The following SRP72 variants were observed in gnomAD, a reference collection of about 807,000 sequenced individuals.
The protein encoded by SRP72 is signal recognition particle 72.
In SRP72, 49 loss-of-function variants were observed where a neutral mutation model predicts 96.3. The ratio of observed to expected loss-of-function variants is 0.51; its 90% CI spans 0.40 to 0.65. SRP72 has a LOEUF of 0.65. Ranked by LOEUF, SRP72 falls within the 30% of genes least tolerant of loss-of-function variation. The pLI is 0.00. For synonymous variants in SRP72, 267 were observed against 275.2 expected (o/e 0.97, Z 0.30); for missense variants, 736 against 793.3 (o/e 0.93, Z 0.87).
At chr4:56,477,371 C>T (rs1720286936) in intron 6 of SRP72, among the ~76,000 whole-genome samples, 1 of 128,600 alleles carries the variant, frequency 7.8e-6, no homozygotes, top group Non-Finnish European at 1.6e-5. Flanking sequence ...GTGATATGAT[C>T]ATAGGTCACT....
chr4:56,498,075 A>T (rs565315142), intron 17 of SRP72, among the ~76,000 whole-genome samples: 2 of 152,206 alleles, frequency 1.3e-5, no homozygotes, highest in South Asian at 4.1e-4. Flanking sequence ...TTTGTATTTT[A>T]AATTTTTTCT....
At chr4:56,497,045 T>C (rs965640373) in intron 17 of SRP72, among the ~76,000 whole-genome samples, 1 of 152,140 alleles carries the variant, frequency 6.6e-6, no homozygotes, top group Non-Finnish European at 1.5e-5. Context: ...TATGTGTGTT[T>C]ATATGTATAT....
chr4:56,468,949 C>G (rs952754282), intron 1 of SRP72, among the ~76,000 whole-genome samples: 1 of 152,154 alleles, frequency 6.6e-6, no homozygotes, highest in Non-Finnish European at 1.5e-5. Flanking sequence ...TAACTATGAT[C>G]CTGGTCATTT....
Position 56,483,533 on chromosome 4 carries a change from T to C in SRP72, c.957+263T>C, listed in dbSNP as rs6816218. Among the ~76,000 whole-genome samples, 54,931 of 151,838 alleles carry C rather than the reference T, an allele frequency of 0.36. 10,567 individuals carry two copies. Among genetic ancestry groups the C allele is most frequent in the East Asian group, 0.66 (3,400 of 5,146 alleles). On this transcript the variant is annotated intron_variant, in intron 9 of 18. Transcript: ENST00000642900. ...TTCGAGACCAGCCTGAGCAACATGGTGAAACCCTGTCTCTACATGGTGGTG... is the reference window on the plus strand; with the variant it reads ...TTCGAGACCAGCCTGAGCAACATGGCGAAACCCTGTCTCTACATGGTGGTG...
intron 16 of SRP72, among the ~76,000 whole-genome samples, chr4:56,494,604 A>C (rs192545283): frequency 6.6e-6 from 1 of 152,064 alleles, no homozygotes; most frequent in Non-Finnish European, 1.5e-5. Context: ...GGGTTTTACT[A>C]TGTTGTCCAG....
At chr4:56,498,758 AGG>A (rs1322690041) in intron 17 of SRP72, among the ~76,000 whole-genome samples, 1 of 152,234 alleles carries the variant, frequency 6.6e-6, no homozygotes, top group Non-Finnish European at 1.5e-5. Flanking sequence ...CCACTGCTCA[AGG>A]AAATGAGAGA....
In SRP72 at chr4:56,486,378, A is replaced by G. The variant is rs1168439524; in HGVS notation, c.1140A>G (p.Ala380=). Residue 380 remains alanine, a synonymous_variant, in exon 11 of 19, where the codon GCA becomes GCG. Transcript: ENST00000642900. ...CAGCTGAAATTAAGCTGACCATGGC[A>G]CAGTTGAAAATTTCTCAAGGTATTA... ...ENAAEIKLTM[A]QLKISQGNIS... 2 of 1,602,008 alleles carry G rather than the reference A, an allele frequency of 1.2e-6. No individual in the cohort carries two copies. Among genetic ancestry groups the G allele is most frequent in the Admixed American group, 1.7e-5 (1 of 59,442 alleles).
At position 56,503,514 on chromosome 4, in the gene SRP72, C is replaced by T. The variant is rs556567468; in HGVS notation, c.*1653C>T. 15 of 152,294 alleles carry T rather than the reference C, an allele frequency of 9.8e-5. No homozygotes were observed. Among genetic ancestry groups the T allele is most frequent in the African/African-American group, 3.6e-4 (15 of 41,570 alleles). 9.4% of individuals were successfully genotyped at this position (152,294 alleles called of 1,614,324 possible). ...TTAATTGTCAAATGAAGTATAAACA[C>T]ATGAACTTTCTAGAAATATTTCCTC... On this transcript the variant is annotated 3_prime_UTR_variant, in exon 19 of 19. Coordinates refer to ENST00000642900, the MANE Select transcript of SRP72 (RefSeq NM_006947.4).
Position 56,484,616 on chromosome 4 carries a change from G to A in SRP72, c.958-120G>A, listed in dbSNP as rs1021858491. 16 of 1,279,574 alleles carry A rather than the reference G, an allele frequency of 1.3e-5. No homozygotes were observed. In the East Asian group the frequency reaches 2.6e-4, roughly 20 times the overall value. The allele number at this position is 1,279,574 out of a possible 1,614,324, so 79.3% of individuals were successfully genotyped here. A position where few individuals can be genotyped will look rare whatever the true frequency, so the allele number is the denominator to read the frequency against. Reference sequence around the variant, plus strand: ...CTGTAAACTGATTCTCTTACCCTAGGCAGTTCTTTGGTTAATATTTGTTTC... The same window carrying A: ...CTGTAAACTGATTCTCTTACCCTAGACAGTTCTTTGGTTAATATTTGTTTC... On this transcript the variant is annotated intron_variant, in intron 9 of 18. Transcript: ENST00000642900.
chr4:56,497,422 T>C (rs759056255), intron 17 of SRP72, among the ~76,000 whole-genome samples: 7 of 151,940 alleles, frequency 4.6e-5, no homozygotes, highest in Non-Finnish European at 7.4e-5. Context: ...GGTTTCACCA[T>C]GTTAGCTAGG....
At position 56,467,743 on chromosome 4, in the gene SRP72, G is replaced by A. The variant is rs773901373; in HGVS notation, c.108G>A (p.Lys36=). 1.3e-6 allele frequency: 2 copies of A among 1,498,116 alleles called. No homozygotes were observed. Among genetic ancestry groups the A allele is most frequent in the Admixed American group, 2.3e-5 (1 of 43,332 alleles). The allele number at this position is 1,498,116 out of a possible 1,614,324, so 92.8% of individuals were successfully genotyped here. The change falls in exon 1 of 19, where the codon AAG becomes AAA. Residue 36 remains lysine, a splice_region_variant and synonymous_variant. Coordinates refer to ENST00000642900, the MANE Select transcript of SRP72 (RefSeq NM_006947.4). ...CGCGCGCTCTCAAGACCGTCAATAA[G>A]AGTAAGTGTCGGGGTGGGCACTGGG... ...DFTRALKTVN[K]ILQINKDDVT...
intron 17 of SRP72, among the ~76,000 whole-genome samples, chr4:56,499,241 A>G (rs1721179391): frequency 6.6e-6 from 1 of 152,236 alleles, no homozygotes; most frequent in Admixed American, 6.5e-5. Flanking sequence ...AGATGGATTA[A>G]AGACTTAAAC....
Position 56,478,363 on chromosome 4 carries a change from C to CATTTCTTT in SRP72, c.643-15_643-8dup. 1 of 1,549,176 alleles carries CATTTCTTT rather than the reference C, an allele frequency of 6.5e-7. No individual in the cohort carries two copies. Among genetic ancestry groups the CATTTCTTT allele is most frequent in the Admixed American group, 2.2e-5 (1 of 46,510 alleles). The stretch of plus-strand genomic sequence containing the variant: ...GTTTGGAAAATTTATATGGGAAAAA[C>CATTTCTTT]ATTTCTTTCTCTTAGGATGGGACTG... On this transcript the variant is annotated splice_polypyrimidine_tract_variant and intron_variant, in intron 6 of 18. Coordinates refer to ENST00000642900, the MANE Select transcript of SRP72 (RefSeq NM_006947.4).
chr4:56,491,680 C>G, intron 16 of SRP72, 112 bp downstream of exon 16: 1 of 1,111,686 alleles, frequency 9.0e-7, no homozygotes, highest in Non-Finnish European at 1.3e-6. Flanking sequence ...CTCTTTGTTC[C>G]TTTTCCATTT....
At chr4:56,477,418 C>G (rs1345719355) in intron 6 of SRP72, among the ~76,000 whole-genome samples, 1 of 150,766 alleles carries the variant, frequency 6.6e-6, no homozygotes, top group Non-Finnish European at 1.5e-5. Context: ...AATCCTCTCA[C>G]CACAGCCTCC....
In SRP72 at chr4:56,469,721, A is replaced by G. The variant is rs1256878810; in HGVS notation, c.178A>G (p.Ser60Gly). Residue 60 changes from serine (S) to glycine (G), a missense_variant, in exon 2 of 19, where the codon AGT (serine) becomes GGT (glycine). By Grantham distance (56) the Ser-to-Gly change is moderately conservative. Transcript: ENST00000642900. ...CKVVCLIQNGSFKEALNVINT... is the reference protein window; with the variant it reads ...CKVVCLIQNGGFKEALNVINT... ...AGTGGTATGCCTTATCCAGAATGGAAGTTTCAAGGAAGCTTTGAATGTCAT... is the reference window on the plus strand; with the variant it reads ...AGTGGTATGCCTTATCCAGAATGGAGGTTTCAAGGAAGCTTTGAATGTCAT... The G allele has an allele frequency of 1.9e-6, 3 of 1,612,768 alleles. No homozygotes were observed. Among genetic ancestry groups the G allele is most frequent in the Non-Finnish European group, 2.5e-6 (3 of 1,179,122 alleles).
chr4:56,484,064 C>T (rs56229630), intron 9 of SRP72, among the ~76,000 whole-genome samples: 25,881 of 109,184 alleles, frequency 0.24, 2,812 homozygotes, highest in Admixed American at 0.42. Flanking sequence ...GATGGAGTCT[C>T]GCTCTGTCGC....
chr4:56,470,617 G>C (rs1439266146), intron 2 of SRP72, among the ~76,000 whole-genome samples: 2 of 152,014 alleles, frequency 1.3e-5, no homozygotes, highest in African/African-American at 4.8e-5. Context: ...GCCTCTTAGT[G>C]TATCTCTTTT....
chr4:56,496,786 G>A lies in SRP72; in HGVS notation c.1678+1392G>A, dbSNP rs371150235. Among the ~76,000 whole-genome samples, 47 of 152,212 alleles carry A rather than the reference G, an allele frequency of 3.1e-4. No individual in the cohort carries two copies. In the East Asian group the frequency reaches 7.2e-3, roughly 23 times the overall value. On this transcript the variant is annotated intron_variant, in intron 17 of 18. Coordinates refer to ENST00000642900, the MANE Select transcript of SRP72 (RefSeq NM_006947.4). ...GTGGATCATTTGAGGTCAGGAGTTC[G>A]AGACCAGCCTGGCCAACCTGGTGAA...
Sources: gnomAD v4.1 joint callset for allele counts (sites outside exome capture counted in the v4.1 genomes callset) on GRCh38, gnomAD v4.1.1 for gene constraint, MANE v1.5 for transcripts, NCBI Gene and HGNC (gene_info 2026-07-23, HGNC 2026-07-21) for gene names.